The following SBK1 variants were observed in gnomAD, a reference collection of about 807,000 sequenced individuals.
SBK1 encodes the protein serine/threonine-protein kinase SBK1.
In SBK1, 11 loss-of-function variants were observed where a neutral mutation model predicts 24.4. The observed-to-expected ratio is 0.45, with a 90% CI of 0.28 to 0.75. The LOEUF is 0.75. Ranked by LOEUF, SBK1 falls within the 30% of genes least tolerant of loss-of-function variation. The pLI, the probability that SBK1 is intolerant of heterozygous loss-of-function variation, is 0.12. For synonymous variants in SBK1, 308 were observed against 284.4 expected (o/e 1.08, Z -0.83); for missense variants, 467 against 620.5 (o/e 0.75, Z 2.63).
intron 1 of SBK1, among the ~76,000 whole-genome samples, chr16:28,315,882 C>T (rs1281223962): frequency 6.6e-6 from 1 of 152,164 alleles, no homozygotes; most frequent in African/African-American, 2.4e-5. Context: ...TCTCCTACCT[C>T]AGCCTCCCAA....
At chr16:28,283,171 T>C (rs1414494135) in intron 1 of SBK1, among the ~76,000 whole-genome samples, 4 of 152,060 alleles carry the variant, frequency 2.6e-5, no homozygotes, top group African/African-American at 9.7e-5. Flanking sequence ...GACCTCGTGA[T>C]CCACCCACCT....
At chr16:28,275,306 C>G (rs2044489195) in intron 1 of SBK1, among the ~76,000 whole-genome samples, 1 of 152,152 alleles carries the variant, frequency 6.6e-6, no homozygotes, top group African/African-American at 2.4e-5. Context: ...GAGACTCCAT[C>G]TCTTAAAAAA....
intron 1 of SBK1, among the ~76,000 whole-genome samples, chr16:28,301,854 A>G (rs557938018): frequency 2.4e-4 from 37 of 152,352 alleles, no homozygotes; most frequent in African/African-American, 7.5e-4. Flanking sequence ...AGGCTTAGGC[A>G]GGTGGCACAA....
In SBK1 at chr16:28,322,850, C is replaced by T. The variant is rs2044861762; in HGVS notation, c.*1929C>T. ...AGGCCTCGCGACATCCTGATCTCTC[C>T]TGCAATAACTAGGAATCGAGATTCC... On this transcript the variant is annotated 3_prime_UTR_variant, in exon 4 of 4. Transcript: ENST00000341901. 6.6e-6 allele frequency: 1 copy of T among 151,926 alleles called. No individual in the cohort carries two copies. The highest frequency in any genetic ancestry group is 2.4e-5 in the African/African-American group (1 of 41,114). The allele number at this position is 151,926 out of a possible 1,614,324, so 9.4% of individuals were successfully genotyped here.
At position 28,296,173 on chromosome 16, in the gene SBK1, C is replaced by T. The variant is rs561193519; in HGVS notation, c.-8+2873C>T. On this transcript the variant is annotated intron_variant, in intron 1 of 3. Transcript: ENST00000341901. ...GTCGTGGCACAATCTCGGCTCGCTG[C>T]GACCTCCACCTCCCGGGTTCAAGCA... Among the ~76,000 whole-genome samples the T allele has an allele frequency of 5.3e-5, 8 of 150,670 alleles. No homozygotes were observed. In the South Asian group the frequency reaches 1.1e-3, roughly 20 times the overall value.
Position 28,319,729 on chromosome 16 carries a change from T to G in SBK1, c.430-347T>G, listed in dbSNP as rs541790848. 1.3e-5 allele frequency among the ~76,000 whole-genome samples: 2 copies of G among 152,140 alleles called. No homozygotes were observed. The highest frequency in any genetic ancestry group is 1.3e-4 in the Admixed American group (2 of 15,282). On this transcript the variant is annotated intron_variant, in intron 3 of 3. Transcript: ENST00000341901. The surrounding 1 kb of genome is among the most constrained non-coding windows in gnomAD (Gnocchi z 4.0). ...ACGGGAAGCTCAGGGAGCCCCGTTC[T>G]AGTTGGGGAAGACCGACGAGATAAG... is the stretch of plus-strand genomic sequence containing the variant.
chr16:28,310,332 C>T lies in SBK1; in HGVS notation c.-7-7053C>T, dbSNP rs150578779. On this transcript the variant is annotated intron_variant, in intron 1 of 3. Transcript: ENST00000341901. The stretch of plus-strand genomic sequence containing the variant: ...CACAGCCATCACATCCACAGCTGCT[C>T]CTGCAAGTGGAGGCAGGGACGACCA... Among the ~76,000 whole-genome samples, 213 of 152,344 alleles carry T rather than the reference C, an allele frequency of 1.4e-3. 1 individual carries two copies. Among genetic ancestry groups the T allele is most frequent in the Middle Eastern group, 6.8e-3 (2 of 294 alleles).
At chr16:28,289,811 C>T (rs1309385655), upstream of SBK1, among the ~76,000 whole-genome samples, 3 of 147,492 alleles carry the variant, frequency 2.0e-5, no homozygotes, top group East Asian at 4.1e-4. Context: ...CAGGGCTGGG[C>T]GTGGTGGCTC....
chr16:28,276,629 G>A (rs2044494968), intron 1 of SBK1, among the ~76,000 whole-genome samples: 1 of 151,900 alleles, frequency 6.6e-6, no homozygotes, highest in Non-Finnish European at 1.5e-5. Flanking sequence ...GCTGCAGGTG[G>A]TGGATTGAAG....
intron 1 of SBK1, among the ~76,000 whole-genome samples, chr16:28,278,508 A>C (rs867774507): frequency 8.5e-5 from 13 of 152,084 alleles, no homozygotes; most frequent in Admixed American, 2.6e-4. Flanking sequence ...CGCCTGAGAA[A>C]TTTTTAATTA....
At chr16:28,314,530 G>A (rs1347511592) in intron 1 of SBK1, among the ~76,000 whole-genome samples, 2 of 152,034 alleles carry the variant, frequency 1.3e-5, no homozygotes, top group Non-Finnish European at 2.9e-5. Flanking sequence ...CTTGCCCAAG[G>A]ACATCCAGCT....
chr16:28,316,337 A>T (rs2044795721), intron 1 of SBK1, among the ~76,000 whole-genome samples: 1 of 152,088 alleles, frequency 6.6e-6, no homozygotes, highest in South Asian at 2.1e-4. Context: ...TATACAACTG[A>T]TGTGATCACT....
chr16:28,316,083 AAGTC>A (rs1009371462), intron 1 of SBK1, among the ~76,000 whole-genome samples: 3 of 152,076 alleles, frequency 2.0e-5, no homozygotes, highest in Non-Finnish European at 4.4e-5. Flanking sequence ...ATTTTTGAAA[AAGTC>A]AGGTTGGCCA....
At chr16:28,275,400 T>C (rs1282661627) in intron 1 of SBK1, among the ~76,000 whole-genome samples, 1 of 152,170 alleles carries the variant, frequency 6.6e-6, no homozygotes, top group Non-Finnish European at 1.5e-5. Flanking sequence ...ATTAAAAGTA[T>C]ATTTTCTATA....
Position 28,292,987 on chromosome 16 carries a change from A to C in SBK1, c.-321A>C. 1.0e-6 allele frequency: 1 copy of C among 985,030 alleles called. No homozygotes were observed. Among genetic ancestry groups the C allele is most frequent in the South Asian group, 4.7e-5 (1 of 21,264 alleles). The allele number at this position is 985,030 out of a possible 1,614,324, so 61.0% of individuals were successfully genotyped here. A position where few individuals can be genotyped will look rare whatever the true frequency, so the allele number is the denominator to read the frequency against. ...GAGAACCCCCTCCCAAGATCCGGTC[A>C]TTACAACTCCACACCTCAAGACAAG... On this transcript the variant is annotated 5_prime_UTR_variant, in exon 1 of 4. Transcript: ENST00000341901.
At chr16:28,313,391 A>C (rs887183805) in intron 1 of SBK1, among the ~76,000 whole-genome samples, 3 of 151,408 alleles carry the variant, frequency 2.0e-5, no homozygotes, top group Admixed American at 2.0e-4. Flanking sequence ...GAGGTCAGGA[A>C]TTCAAGACCA....
intron 1 of SBK1, among the ~76,000 whole-genome samples, chr16:28,313,523 G>A (rs373410242): frequency 4.6e-5 from 7 of 150,792 alleles, no homozygotes; most frequent in Non-Finnish European, 5.9e-5. Flanking sequence ...GCCAGAGTCC[G>A]GGATACAGAA....
intron 1 of SBK1, among the ~76,000 whole-genome samples, chr16:28,268,134 A>T (rs1231721252): frequency 6.6e-6 from 1 of 152,002 alleles, no homozygotes; most frequent in Non-Finnish European, 1.5e-5. Context: ...AGTTTTGTTC[A>T]TTCCTGGAGG....
At chr16:28,278,250 T>C (rs533689454) in intron 1 of SBK1, among the ~76,000 whole-genome samples, 2 of 152,298 alleles carry the variant, frequency 1.3e-5, no homozygotes, top group South Asian at 4.1e-4. Context: ...TGAGATCGAC[T>C]TTGGGGCAGG....
Sources: allele counts gnomAD v4.1 joint callset (sites outside exome capture counted in the v4.1 genomes callset), GRCh38; gene constraint gnomAD v4.1.1; non-coding constraint Gnocchi (gnomAD v3.1); transcripts MANE v1.5; gene names NCBI Gene and HGNC (gene_info 2026-07-23, HGNC 2026-07-21).